The following LIPG variants were observed in gnomAD, a reference collection of about 807,000 sequenced individuals.
LIPG encodes the protein lipase G, endothelial type.
In LIPG, 34 loss-of-function variants were observed where a neutral mutation model predicts 51.8. That is an observed-to-expected ratio of 0.66 (90% CI 0.50 to 0.87). The LOEUF (loss-of-function observed/expected upper bound fraction) is 0.87, where lower values mean the gene tolerates loss of function less well. Among genes scored for constraint, LIPG ranks in the 40% least tolerant of loss-of-function variants. The probability of loss-of-function intolerance (pLI) is 0.00; values close to 1 mark genes in which losing one functional copy is unlikely to be tolerated. For missense variants in LIPG, 580 were observed against 652.7 expected, an observed-to-expected ratio of 0.89 and a Z score of 1.21; for synonymous variants, 246 against 246.1, an observed-to-expected ratio of 1.00 and a Z score of 0.00.
intron 3 of LIPG, among the ~76,000 whole-genome samples, chr18:49,569,116 A>G (rs948417977): frequency 7.2e-5 from 11 of 152,036 alleles, no homozygotes; most frequent in African/African-American, 1.9e-4. Flanking sequence ...CCTCCTCACC[A>G]TCACCCTCCC....
chr18:49,589,591 T>G (rs1228262121), intron 9 of LIPG: 1 of 152,456 alleles, frequency 6.6e-6, no homozygotes, highest in Non-Finnish European at 1.5e-5. Flanking sequence ...GCCTCCTGAG[T>G]AGCTTGGATT....
At chr18:49,581,887 A>G in intron 6 of LIPG, 3 of 607,852 alleles carry the variant, frequency 4.9e-6, no homozygotes, top group South Asian at 2.0e-5. Context: ...CACAATATCA[A>G]TATCTTAAAT....
chr18:49,565,411 C>T lies in LIPG; in HGVS notation c.192C>T (p.Cys64=), dbSNP rs148742404. The T allele has an allele frequency of 1.2e-6, 2 of 1,614,250 alleles. No homozygotes were observed. Among genetic ancestry groups the T allele is most frequent in the Non-Finnish European group, 1.7e-6 (2 of 1,180,040 alleles). The change falls in exon 2 of 10, where the codon TGC becomes TGT. Residue 64 remains cysteine (C), a synonymous_variant. Transcript: ENST00000261292. ...RTSKDPEHEG[C]YLSVGHSQPL... ...CCAAGGACCCAGAGCATGAAGGATG[C>T]TACCTCTCCGTCGGCCACAGCCAGC...
chr18:49,572,086 G>A (rs1178595136), intron 4 of LIPG, among the ~76,000 whole-genome samples: 1 of 152,200 alleles, frequency 6.6e-6, no homozygotes, highest in Non-Finnish European at 1.5e-5. Context: ...TTGGGAGGCC[G>A]AGGTGGGTGG....
intron 1 of LIPG, 36 bp from the exon 2 acceptor site, chr18:49,565,281 T>A (rs1410067130): frequency 1.2e-6 from 2 of 1,608,698 alleles, no homozygotes; most frequent in African/African-American, 2.7e-5. Context: ...TCCGCAAGTC[T>A]GCTAGATGCA....
At position 49,583,743 on chromosome 18, in the gene LIPG, ATCC is replaced by A. The variant is rs1424114375; in HGVS notation, c.1346_1348del (p.Ile449del). The A allele has an allele frequency of 6.2e-7, 1 of 1,613,646 alleles. No homozygotes were observed. The highest frequency in any genetic ancestry group is 1.7e-5 in the Admixed American group (1 of 60,004). ...CGGACGGGAGCTGAATATCAGGCGC[ATCC>A]GGGTGAAGTCTGGGGAAACCCAGCG... On this transcript the variant is annotated inframe_deletion, in exon 8 of 10. Coordinates refer to ENST00000261292, the MANE Select transcript of LIPG (RefSeq NM_006033.4).
At chr18:49,567,697 GC>G (rs1244101054) in intron 3 of LIPG, 76 bp downstream of exon 3, 4 of 1,443,424 alleles carry the variant, frequency 2.8e-6, no homozygotes, top group Non-Finnish European at 3.8e-6. Flanking sequence ...TGCAGGTCAT[GC>G]ATCTGTTGCC....
chr18:49,584,831 A>T (rs544637753), intron 8 of LIPG, among the ~76,000 whole-genome samples: 179 of 152,358 alleles, frequency 1.2e-3, no homozygotes, highest in Non-Finnish European at 1.9e-3. Flanking sequence ...TATAAATAAA[A>T]TATTTCAAAG....
rs2084850814 is a variant in LIPG, at chr18:49,583,697, C to T, written c.1299C>T (p.Tyr433=). The change falls in exon 8 of 10, where the codon TAC becomes TAT. Residue 433 remains tyrosine (Y), a synonymous_variant. Coordinates refer to ENST00000261292, the MANE Select transcript of LIPG (RefSeq NM_006033.4). ...WYNLWKEFRS[Y]LSQPRNPGRE... ...ACCTGTGGAAGGAGTTTCGCAGCTA[C>T]CTGTCTCAACCCCGCAACCCCGGAC... The T allele has an allele frequency of 6.2e-7, 1 of 1,614,184 alleles. No individual in the cohort carries two copies. Among genetic ancestry groups the T allele is most frequent in the Non-Finnish European group, 8.5e-7 (1 of 1,180,040 alleles).
intron 9 of LIPG, among the ~76,000 whole-genome samples, chr18:49,588,753 C>T (rs2084911177): frequency 6.6e-6 from 1 of 152,150 alleles, no homozygotes; most frequent in South Asian, 2.1e-4. Context: ...AGGCAGTGGG[C>T]TCATCCTGGG....
intron 5 of LIPG, among the ~76,000 whole-genome samples, chr18:49,579,640 C>T (rs886476843): frequency 2.6e-5 from 4 of 152,084 alleles, no homozygotes; most frequent in Non-Finnish European, 4.4e-5. Flanking sequence ...TGCCCTGATG[C>T]TCAGTCTTTC....
chr18:49,566,605 G>A (rs2084608936), intron 2 of LIPG, among the ~76,000 whole-genome samples: 1 of 152,198 alleles, frequency 6.6e-6, no homozygotes, highest in Admixed American at 6.5e-5. Flanking sequence ...TACATTCTGA[G>A]TTGTAATTTG....
At chr18:49,583,470 G>C in intron 7 of LIPG, 86 bp from the exon 8 acceptor site, 5 of 1,057,956 alleles carry the variant, frequency 4.7e-6, no homozygotes, top group Non-Finnish European at 5.9e-6. Context: ...TCTGTGTGGG[G>C]TTGTTACTGC....
intron 5 of LIPG, among the ~76,000 whole-genome samples, chr18:49,579,758 CCTTTCCTTT>C (rs1162367885): frequency 7.5e-6 from 1 of 132,640 alleles, no homozygotes; most frequent in Non-Finnish European, 1.5e-5. Flanking sequence ...CCTTTCCTTT[CCTTTCCTTT>C]CTTTTCTTTT....
rs2084993742 is a variant in LIPG at position 49,598,509 on chromosome 18, T to G, written c.*7987T>G. On this transcript the variant is annotated 3_prime_UTR_variant, in exon 10 of 10. Coordinates refer to ENST00000261292, the MANE Select transcript of LIPG (RefSeq NM_006033.4). ...CAGGCCTGGCCATGCTGCCTCTCTC[T>G]CCTTCAAGGTAGACTTCCTCTTTCC... 1 of 152,444 alleles carries G rather than the reference T, an allele frequency of 6.6e-6. No individual in the cohort carries two copies. Among genetic ancestry groups the G allele is most frequent in the African/African-American group, 2.4e-5 (1 of 41,468 alleles). 9.4% of individuals were successfully genotyped at this position (152,444 alleles called of 1,614,324 possible).
intron 9 of LIPG, among the ~76,000 whole-genome samples, chr18:49,589,203 A>AGGCT (rs985652907): frequency 6.6e-6 from 1 of 152,148 alleles, no homozygotes; most frequent in Non-Finnish European, 1.5e-5. Flanking sequence ...GCCACCCCCA[A>AGGCT]GGCTGCGCTG....
At chr18:49,585,997 C>T (rs1008800234) in intron 8 of LIPG, among the ~76,000 whole-genome samples, 3 of 152,144 alleles carry the variant, frequency 2.0e-5, no homozygotes, top group African/African-American at 7.2e-5. Context: ...CTGAATGGGG[C>T]TTTTGTCCTG....
chr18:49,586,682 T>G, intron 8 of LIPG, 64 bp from the exon 9 acceptor site: 3 of 1,227,218 alleles, frequency 2.4e-6, no homozygotes, highest in Non-Finnish European at 1.2e-6. Flanking sequence ...GCCTTGAATC[T>G]AGAAAGCACA....
At chr18:49,582,002 C>G in intron 6 of LIPG, 1 of 579,784 alleles carries the variant, frequency 1.7e-6, no homozygotes, top group South Asian at 2.2e-5. Context: ...TGACATGTTA[C>G]ATTTTTATAA....
Sources: allele counts gnomAD v4.1 joint callset (sites outside exome capture counted in the v4.1 genomes callset), GRCh38; gene constraint gnomAD v4.1.1; transcripts MANE v1.5; gene names NCBI Gene and HGNC (gene_info 2026-07-23, HGNC 2026-07-21).